Variants in MOB3B observed in about 807,000 individuals in gnomAD.
MOB3B encodes MOB kinase activator 3B, also known as MOB kinase activator-like 2B.
In MOB3B, 7 loss-of-function variants were observed where a neutral mutation model predicts 18.7. The ratio of observed to expected loss-of-function variants is 0.37; its 90% CI spans 0.21 to 0.70. The LOEUF is 0.70. Ranked by LOEUF, MOB3B falls within the 30% of genes least tolerant of loss-of-function variation. MOB3B has a pLI of 0.52. For missense variants in MOB3B, 253 were observed against 281.3 expected (o/e 0.90, Z 0.72); for synonymous variants, 111 against 99.9 (o/e 1.11, Z -0.66).
chr9:27,363,413 C>T (rs992650027), intron 2 of MOB3B, among the ~76,000 whole-genome samples: 18 of 152,154 alleles, frequency 1.2e-4, no homozygotes, highest in Admixed American at 6.5e-4. Context: ...GGACTACAGG[C>T]GCCCGCCGCC....
At position 27,326,816 on chromosome 9, in the gene MOB3B, C is replaced by T; in HGVS notation, c.*3771G>A. 1 of 375,586 alleles carries T rather than the reference C, an allele frequency of 2.7e-6. No homozygotes were observed. The highest frequency in any genetic ancestry group is 4.7e-6 in the Non-Finnish European group (1 of 212,250). 23.3% of individuals were successfully genotyped at this position (375,586 alleles called of 1,614,324 possible). On this transcript the variant is annotated 3_prime_UTR_variant, in exon 4 of 4. Coordinates refer to ENST00000262244, the MANE Select transcript of MOB3B (RefSeq NM_024761.5). ...TTTCTTCCTAATCATCTCTCCCTTG[C>T]ACCATCACCATGAAATTTTAATACC...
At chr9:27,420,128 T>C (rs533545924) in intron 2 of MOB3B, among the ~76,000 whole-genome samples, 3 of 152,172 alleles carry the variant, frequency 2.0e-5, no homozygotes, top group African/African-American at 7.2e-5. Context: ...CCTGCAAGAA[T>C]GGCCATAATA....
chr9:27,529,459 T>C, intron 1 of MOB3B, 96 bp downstream of exon 1: 1 of 802,778 alleles, frequency 1.2e-6, no homozygotes, highest in Non-Finnish European at 1.5e-6. Flanking sequence ...CGCGCCCAGG[T>C]GCGCCCCAAA....
At chr9:27,492,825 G>A (rs1819841035) in intron 1 of MOB3B, among the ~76,000 whole-genome samples, 1 of 152,146 alleles carries the variant, frequency 6.6e-6, no homozygotes, top group Non-Finnish European at 1.5e-5. Flanking sequence ...CAGGGGAAAG[G>A]GCAACGCTTT....
At chr9:27,343,466 C>A (rs4590528) in intron 3 of MOB3B, among the ~76,000 whole-genome samples, 60,967 of 131,718 alleles carry the variant, frequency 0.46, 14,507 homozygotes, top group African/African-American at 0.56. Flanking sequence ...CCCAAGAATG[C>A]TCAATAAATA....
chr9:27,477,252 G>A (rs1819567955), intron 1 of MOB3B, among the ~76,000 whole-genome samples: 1 of 152,142 alleles, frequency 6.6e-6, no homozygotes, highest in Admixed American at 6.6e-5. Flanking sequence ...AGCCAATCCT[G>A]CCTTGGCGTA....
intron 1 of MOB3B, among the ~76,000 whole-genome samples, chr9:27,507,572 A>G (rs1031956238): frequency 6.6e-6 from 1 of 152,188 alleles, no homozygotes; most frequent in Non-Finnish European, 1.5e-5. Flanking sequence ...TTATTTCAGG[A>G]TGCAACTATA....
rs115010463 is a variant in MOB3B, at chr9:27,378,040, C to A, written c.419-18804G>T. On this transcript the variant is annotated intron_variant, in intron 2 of 3. Transcript: ENST00000262244. ...ACTTAGACTAAGAGTTTGTATACACCACATCATTTAATTCTTCCTGCAATC... is the reference window on the plus strand; with the variant it reads ...ACTTAGACTAAGAGTTTGTATACACAACATCATTTAATTCTTCCTGCAATC... Among the ~76,000 whole-genome samples the A allele has an allele frequency of 2.4e-3, 370 of 152,290 alleles. 3 individuals carry two copies. The highest frequency in any genetic ancestry group is 8.6e-3 in the African/African-American group (356 of 41,554).
At chr9:27,353,841 T>G (rs1587149702) in intron 3 of MOB3B, among the ~76,000 whole-genome samples, 2 of 152,234 alleles carry the variant, frequency 1.3e-5, no homozygotes, top group East Asian at 3.9e-4. Flanking sequence ...ATTAGCTTAA[T>G]TGTGTCAGCT....
intron 2 of MOB3B, among the ~76,000 whole-genome samples, chr9:27,398,162 A>T (rs1004838378): frequency 1.3e-5 from 2 of 152,206 alleles, no homozygotes; most frequent in Admixed American, 6.5e-5. Flanking sequence ...ATGTGTTGTT[A>T]TCTTCATTTC....
chr9:27,529,757 G>T lies in MOB3B; in HGVS notation c.-401C>A, dbSNP rs1005690088. Reference sequence around the variant, plus strand: ...CCTGGCTCCAGCTGCAGCCGCCGTCGCTCCGGAGCAGCCCCCTCATGCACC... The same window carrying T: ...CCTGGCTCCAGCTGCAGCCGCCGTCTCTCCGGAGCAGCCCCCTCATGCACC... On this transcript the variant is annotated 5_prime_UTR_variant, in exon 1 of 4. Coordinates refer to ENST00000262244, the MANE Select transcript of MOB3B (RefSeq NM_024761.5). The T allele has an allele frequency of 6.1e-6, 6 of 985,308 alleles. No individual in the cohort carries two copies. Among genetic ancestry groups the T allele is most frequent in the African/African-American group, 1.7e-5 (1 of 57,244 alleles). 61.0% of individuals were successfully genotyped at this position (985,308 alleles called of 1,614,324 possible).
chr9:27,330,746 T>A, intron 3 of MOB3B, 130 bp from the exon 4 acceptor site: 1 of 1,358,500 alleles, frequency 7.4e-7, no homozygotes. Context: ...GGTCCATGAA[T>A]AAGGCTTAGC....
intron 3 of MOB3B, among the ~76,000 whole-genome samples, chr9:27,350,642 A>G (rs1001154227): frequency 2.6e-5 from 4 of 152,224 alleles, no homozygotes; most frequent in African/African-American, 9.6e-5. Context: ...AAGGCAATTC[A>G]TTGGAAATAA....
intron 1 of MOB3B, among the ~76,000 whole-genome samples, chr9:27,478,552 C>A (rs4879513): frequency 6.6e-6 from 1 of 152,054 alleles, no homozygotes; most frequent in African/African-American, 2.4e-5. Context: ...AAGAGAATTA[C>A]CATCATGAAA....
At chr9:27,424,040 C>G (rs2131415259) in intron 2 of MOB3B, among the ~76,000 whole-genome samples, 1 of 152,310 alleles carries the variant, frequency 6.6e-6, no homozygotes. Flanking sequence ...AGAGTCTGTG[C>G]CCTTAGTCTC....
At chr9:27,436,148 T>C (rs1684189114) in intron 2 of MOB3B, among the ~76,000 whole-genome samples, 1 of 152,228 alleles carries the variant, frequency 6.6e-6, no homozygotes, top group South Asian at 2.1e-4. Flanking sequence ...ACCTAAAGTA[T>C]CATTTCTAAG....
rs1056886955 is a variant in MOB3B, at chr9:27,325,558, A to G, written c.*5029T>C. 2 of 152,338 alleles carry G rather than the reference A, an allele frequency of 1.3e-5. No individual in the cohort carries two copies. The highest frequency in any genetic ancestry group is 4.8e-5 in the African/African-American group (2 of 41,576). The allele number at this position is 152,338 out of a possible 1,614,324, so 9.4% of individuals were successfully genotyped here. A position where few individuals can be genotyped will look rare whatever the true frequency, so the allele number is the denominator to read the frequency against. On this transcript the variant is annotated 3_prime_UTR_variant, in exon 4 of 4. Coordinates refer to ENST00000262244, the MANE Select transcript of MOB3B (RefSeq NM_024761.5). ...AATTAATACCTGTCCAGAGGGAAAC[A>G]GCCTGTTATAAAAGCTTTCTGTTAA...
intron 3 of MOB3B, among the ~76,000 whole-genome samples, chr9:27,356,004 A>T (rs1402423920): frequency 6.6e-6 from 1 of 152,194 alleles, no homozygotes; most frequent in African/African-American, 2.4e-5. Flanking sequence ...TCATTTCGGC[A>T]ATAGCAATCC....
chr9:27,426,791 C>A (rs1242915311), intron 2 of MOB3B, among the ~76,000 whole-genome samples: 1 of 152,176 alleles, frequency 6.6e-6, no homozygotes, highest in African/African-American at 2.4e-5. Context: ...CCTCCTACTG[C>A]CTAGACTTGG....
Sources: allele counts gnomAD v4.1 joint callset (sites outside exome capture counted in the v4.1 genomes callset), GRCh38; gene constraint gnomAD v4.1.1; transcripts MANE v1.5; gene names NCBI Gene and HGNC (gene_info 2026-07-23, HGNC 2026-07-21).